GLI3: variants seen among roughly 807,000 people sequenced by gnomAD.
GLI3 encodes GLI family zinc finger 3, also known as transcription activator GLI3.
GLI3 carries 20 observed loss-of-function variants against 100.8 expected under a neutral mutation model. The ratio of observed to expected loss-of-function variants is 0.20; its 90% confidence interval spans 0.14 to 0.29. The LOEUF (loss-of-function observed/expected upper bound fraction) is 0.29, where lower values mean the gene tolerates loss of function less well. Ranked by LOEUF, GLI3 falls within the 10% of genes least tolerant of loss-of-function variation. The probability of loss-of-function intolerance (pLI) is 1.00; values close to 1 mark genes in which losing one functional copy is unlikely to be tolerated. For synonymous variants in GLI3, 938 were observed against 860.5 expected (o/e 1.09, Z -1.58); for missense variants, 2,040 against 2,128.5 (o/e 0.96, Z 0.82).
intron 12 of GLI3, among the ~76,000 whole-genome samples, chr7:41,973,433 C>G (rs1787420335): frequency 1.3e-5 from 2 of 152,118 alleles, no homozygotes; most frequent in Non-Finnish European, 2.9e-5. Context: ...CTATGTGGGT[C>G]AGTGATCAAG....
chr7:42,106,827 T>TA (rs1785587093), intron 3 of GLI3, among the ~76,000 whole-genome samples: 1 of 152,008 alleles, frequency 6.6e-6, no homozygotes, highest in African/African-American at 2.4e-5. Context: ...TGTCCCAACT[T>TA]ACCCCAGCCC....
At chr7:42,152,043 C>T (rs1225454066) in intron 2 of GLI3, 1 of 152,240 alleles carries the variant, frequency 6.6e-6, no homozygotes, top group Non-Finnish European at 1.5e-5. Context: ...TCCGATTTCT[C>T]ATGGTAACCG....
chr7:42,160,619 A>C (rs1787110744), intron 2 of GLI3, among the ~76,000 whole-genome samples: 2 of 152,206 alleles, frequency 1.3e-5, no homozygotes, highest in Non-Finnish European at 2.9e-5. Flanking sequence ...CCAGATTTTC[A>C]GATCAGGGAT....
At chr7:42,086,889 A>G (rs1404639666) in intron 3 of GLI3, among the ~76,000 whole-genome samples, 3 of 152,088 alleles carry the variant, frequency 2.0e-5, no homozygotes, top group Non-Finnish European at 4.4e-5. Flanking sequence ...GCACACATTT[A>G]CTGAATACAG....
chr7:42,027,371 T>A (rs575922568), intron 7 of GLI3, among the ~76,000 whole-genome samples: 80 of 152,142 alleles, frequency 5.3e-4, no homozygotes, highest in African/African-American at 1.4e-3. Flanking sequence ...GTGAAAAAAA[T>A]ATTTATATAT....
chr7:42,246,803 A>ATTTTTTTTTTT (rs1198985258), intron 1 of GLI3, among the ~76,000 whole-genome samples: 2 of 63,376 alleles, frequency 3.2e-5, no homozygotes, highest in African/African-American at 5.8e-5. Context: ...GGATGATAGA[A>ATTTTTTTTTTT]TCTTTTTTTT....
intron 1 of GLI3, among the ~76,000 whole-genome samples, chr7:42,225,499 A>G (rs1194016552): frequency 6.6e-6 from 1 of 152,136 alleles, no homozygotes; most frequent in Non-Finnish European, 1.5e-5. Flanking sequence ...AGCTGGGATT[A>G]CAGGCGCCCA....
chr7:42,227,174 T>C (rs1788597038), intron 1 of GLI3, among the ~76,000 whole-genome samples: 1 of 152,166 alleles, frequency 6.6e-6, no homozygotes, highest in South Asian at 2.1e-4. Flanking sequence ...CCCGACATAG[T>C]TTCCTTGCTT....
rs10259802 is a variant in GLI3 at position 41,967,666 on chromosome 7, A to G, written c.2361T>C (p.Asn787=). The G allele has an allele frequency of 3.1e-5, 50 of 1,614,150 alleles. 1 individual carries two copies. In the South Asian group the frequency reaches 4.8e-4, roughly 16 times the overall value. Residue 787 remains asparagine, a synonymous_variant, in exon 14 of 15, where the codon AAT becomes AAC. Transcript: ENST00000395925. ...HVKLERLKQV[N]GMFPRLNPIL... is the part of the protein sequence containing the mutation. ...TGGGGTTCAGTCGCGGAAACATTCC[A>G]TTCACTTGTTTTAGCCTTTCTAGTT...
chr7:42,145,406 T>C, intron 3 of GLI3: 1 of 396,930 alleles, frequency 2.5e-6, no homozygotes, highest in East Asian at 3.6e-5. Flanking sequence ...CTTCTCAAAC[T>C]CATTTAAAAT....
chr7:41,966,673 A>T lies in GLI3; in HGVS notation c.2432-32T>A, dbSNP rs1265920765. 1 of 1,611,688 alleles carries T rather than the reference A, an allele frequency of 6.2e-7. No homozygotes were observed. Among genetic ancestry groups the T allele is most frequent in the Non-Finnish European group, 8.5e-7 (1 of 1,178,400 alleles). On this transcript the variant is annotated intron_variant, in intron 14 of 14. Transcript: ENST00000395925. This position sits in a 1 kb window ranked among gnomAD's most constrained non-coding sequence, Gnocchi z 5.8. ...ACAGAGAAAGGGAGAGACCATGCGG[A>T]GATGAATTCCCTTCGAGCATGACTT...
intron 2 of GLI3, among the ~76,000 whole-genome samples, chr7:42,192,084 T>C (rs952108919): frequency 1.3e-5 from 2 of 152,090 alleles, no homozygotes; most frequent in African/African-American, 4.8e-5. Flanking sequence ...TATTTCACAA[T>C]AGGAAAATTG....
intron 3 of GLI3, among the ~76,000 whole-genome samples, chr7:42,083,751 T>C (rs993946199): frequency 1.3e-5 from 2 of 152,354 alleles, no homozygotes; most frequent in Middle Eastern, 6.8e-3. Flanking sequence ...ATGCACTTTC[T>C]TCATATGCTA....
chr7:42,147,162 G>A (rs768931237), intron 3 of GLI3, among the ~76,000 whole-genome samples: 2 of 152,140 alleles, frequency 1.3e-5, no homozygotes, highest in Non-Finnish European at 2.9e-5. Context: ...GTTATGCGAG[G>A]CCCTTTGATC....
chr7:42,092,946 T>C (rs1466132204), intron 3 of GLI3, among the ~76,000 whole-genome samples: 1 of 151,604 alleles, frequency 6.6e-6, no homozygotes, highest in Non-Finnish European at 1.5e-5. Flanking sequence ...CCTGAGTAAC[T>C]GGGATTACAG....
At chr7:42,060,432 T>C (rs569625329) in intron 4 of GLI3, among the ~76,000 whole-genome samples, 1 of 152,324 alleles carries the variant, frequency 6.6e-6, no homozygotes, top group South Asian at 2.1e-4. Flanking sequence ...GTTAAGATGA[T>C]GGATTTTTTT....
intron 4 of GLI3, among the ~76,000 whole-genome samples, chr7:42,067,212 AT>A (rs1198399274): frequency 1.3e-5 from 2 of 152,164 alleles, no homozygotes; most frequent in African/African-American, 4.8e-5. Context: ...TGGACTTACA[AT>A]TCTAAATTTG....
intron 1 of GLI3, among the ~76,000 whole-genome samples, chr7:42,244,797 T>G (rs1296620582): frequency 6.6e-6 from 1 of 152,096 alleles, no homozygotes; most frequent in African/African-American, 2.4e-5. Context: ...ATCCCAGCCA[T>G]GAAGAATTCA....
chr7:42,243,516 C>CATTCTCCATCA (rs1788944271), intron 1 of GLI3, among the ~76,000 whole-genome samples: 3 of 152,302 alleles, frequency 2.0e-5, no homozygotes, highest in Admixed American at 1.3e-4. Context: ...TCATTACTAG[C>CATTCTCCATCA]TTTGTCACTT....
Sources: gnomAD v4.1 joint callset for allele counts (sites outside exome capture counted in the v4.1 genomes callset) on GRCh38, gnomAD v4.1.1 for gene constraint, Gnocchi (gnomAD v3.1) non-coding constraint, MANE v1.5 for transcripts, NCBI Gene and HGNC (gene_info 2026-07-23, HGNC 2026-07-21) for gene names.